Variants in CPB1 observed in about 807,000 individuals in gnomAD.
CPB1 encodes the protein carboxypeptidase B1.
CPB1 carries 53 observed loss-of-function variants against 51.4 expected under a neutral mutation model. That is an observed-to-expected ratio of 1.03 (90% CI 0.83 to 1.30). The LOEUF is 1.30. CPB1 is among the 50% of genes most tolerant of loss of function. The probability of loss-of-function intolerance (pLI) is 0.00; values close to 1 mark genes in which losing one functional copy is unlikely to be tolerated. For synonymous variants in CPB1, 189 were observed against 186.9 expected (o/e 1.01, Z -0.09); for missense variants, 494 against 516.2 (o/e 0.96, Z 0.42).
chr3:148,828,762 T>C (rs1049912653), intron 2 of CPB1, among the ~76,000 whole-genome samples: 2 of 152,156 alleles, frequency 1.3e-5, no homozygotes, highest in African/African-American at 4.8e-5. Context: ...CATAAATATA[T>C]AAACTAAAAT....
At chr3:148,835,596 C>CA (rs1243358187) in intron 3 of CPB1, among the ~76,000 whole-genome samples, 1 of 152,068 alleles carries the variant, frequency 6.6e-6, no homozygotes, top group Non-Finnish European at 1.5e-5. Context: ...AGGACACTTG[C>CA]ATAAGAGGGA....
intron 2 of CPB1, among the ~76,000 whole-genome samples, chr3:148,831,371 T>A (rs1281793809): frequency 6.6e-6 from 1 of 152,190 alleles, no homozygotes; most frequent in African/African-American, 2.4e-5. Flanking sequence ...AGAAGTTGTT[T>A]TCTTTTCCAA....
chr3:148,859,590 A>C (rs1713690232), intron 10 of CPB1, among the ~76,000 whole-genome samples: 1 of 152,252 alleles, frequency 6.6e-6, no homozygotes, highest in African/African-American at 2.4e-5. Context: ...TTTCTGAAGT[A>C]TTAAACACAT....
rs577217367 is a variant in CPB1 at position 148,835,010 on chromosome 3, G to A, written c.272+388G>A. On this transcript the variant is annotated intron_variant, in intron 3 of 10. Coordinates refer to ENST00000282957, the MANE Select transcript of CPB1 (RefSeq NM_001871.3). ...ATCAGCGAGACCTATTGTGAGTTAT[G>A]AGGGCTATTTGTGCTTTTTTTAGCA... Among the ~76,000 whole-genome samples the A allele has an allele frequency of 2.6e-4, 40 of 152,256 alleles. No homozygotes were observed. In the South Asian group the frequency reaches 8.1e-3, roughly 31 times the overall value.
chr3:148,830,220 A>C (rs1302283267), intron 2 of CPB1, among the ~76,000 whole-genome samples: 1 of 151,964 alleles, frequency 6.6e-6, no homozygotes, highest in Non-Finnish European at 1.5e-5. Context: ...AAAATCTAAA[A>C]CTTGCCCCCT....
intron 9 of CPB1, chr3:148,856,074 C>T (rs1713561258): frequency 6.6e-6 from 1 of 152,060 alleles, no homozygotes; most frequent in Non-Finnish European, 1.5e-5. Flanking sequence ...TAAGATTAAA[C>T]AAGAGGAGCA....
At chr3:148,843,461 G>A (rs916689724) in intron 6 of CPB1, among the ~76,000 whole-genome samples, 1 of 151,960 alleles carries the variant, frequency 6.6e-6, no homozygotes, top group Non-Finnish European at 1.5e-5. Context: ...TTATGTATCA[G>A]ATTGGCATCA....
chr3:148,846,689 A>G (rs1179797875), intron 9 of CPB1, among the ~76,000 whole-genome samples: 1 of 147,634 alleles, frequency 6.8e-6, no homozygotes, highest in Non-Finnish European at 1.5e-5. Context: ...TTAAAAAACA[A>G]TACAATTTTT....
chr3:148,829,594 T>C (rs1559955392), intron 2 of CPB1, among the ~76,000 whole-genome samples: 1 of 152,234 alleles, frequency 6.6e-6, no homozygotes, highest in Non-Finnish European at 1.5e-5. Context: ...TGACAGCCTG[T>C]TTTCAGCATG....
At chr3:148,858,572 CA>C (rs1004149829) in intron 10 of CPB1, among the ~76,000 whole-genome samples, 44 of 140,252 alleles carry the variant, frequency 3.1e-4, no homozygotes, top group Admixed American at 4.3e-4. Flanking sequence ...AACTCCATCT[CA>C]AAAAAAAAAA....
At position 148,859,927 on chromosome 3, in the gene CPB1, G is replaced by C; in HGVS notation, c.1179G>C (p.Gln393His). 6.2e-7 allele frequency: 1 copy of C among 1,614,144 alleles called. No individual in the cohort carries two copies. The highest frequency in any genetic ancestry group is 8.5e-7 in the Non-Finnish European group (1 of 1,180,010). Residue 393 changes from glutamine (Q) to histidine (H), a missense_variant, in exon 11 of 11, where the codon CAG becomes CAC. Transcript: ENST00000282957. ...GRYGFLLPESQIRATCEETFL... is the reference protein window; with the variant it reads ...GRYGFLLPESHIRATCEETFL... ...ATGGCTTTCTCCTTCCAGAATCCCA[G>C]ATCCGGGCTACCTGCGAGGAGACCT... is the stretch of plus-strand genomic sequence containing the variant.
chr3:148,827,829 G>A lies in CPB1; in HGVS notation c.6G>A (p.Leu2=), dbSNP rs371908742. 5.6e-6 allele frequency: 9 copies of A among 1,614,104 alleles called. No individual in the cohort carries two copies. Among genetic ancestry groups the A allele is most frequent in the Non-Finnish European group, 7.6e-6 (9 of 1,179,980 alleles). M[L]ALLVLVTVAL... ...ACTAGACCTGGTCAGACACAATGTT[G>A]GCACTCTTGGTTCTGGTGACTGTGG... Residue 2 remains leucine, a synonymous_variant, in exon 1 of 11, where the codon TTG becomes TTA. Coordinates refer to ENST00000282957, the MANE Select transcript of CPB1 (RefSeq NM_001871.3).
intron 3 of CPB1, among the ~76,000 whole-genome samples, chr3:148,837,819 C>T (rs1463855376): frequency 6.6e-6 from 1 of 152,030 alleles, no homozygotes; most frequent in African/African-American, 2.4e-5. Flanking sequence ...TTCAATTTAA[C>T]TAACTGGTTT....
At chr3:148,844,941 G>C (rs1713189475) in intron 8 of CPB1, among the ~76,000 whole-genome samples, 174 bp downstream of exon 8, 1 of 149,910 alleles carries the variant, frequency 6.7e-6, no homozygotes, top group Non-Finnish European at 1.5e-5. Flanking sequence ...AAAACATATT[G>C]AGAACTCTGT....
At chr3:148,846,708 T>A (rs1713249748) in intron 9 of CPB1, among the ~76,000 whole-genome samples, 1 of 143,684 alleles carries the variant, frequency 7.0e-6, no homozygotes, top group Non-Finnish European at 1.5e-5. Flanking sequence ...TTCAAAAAGC[T>A]TTTCATTTTT....
chr3:148,834,401 T>G (rs113692692), intron 2 of CPB1, 97 bp from the exon 3 acceptor site: 2 of 1,193,424 alleles, frequency 1.7e-6, no homozygotes, highest in Admixed American at 2.0e-5. Flanking sequence ...TGATTTGATT[T>G]TGAAAATAAC....
At chr3:148,844,403 C>A in intron 6 of CPB1, 75 bp from the exon 7 acceptor site, 2 of 1,067,512 alleles carry the variant, frequency 1.9e-6, no homozygotes, top group Non-Finnish European at 2.8e-6. Context: ...AGTTAACATT[C>A]AACAGTCTTT....
intron 2 of CPB1, among the ~76,000 whole-genome samples, chr3:148,831,173 C>T (rs1712722990): frequency 6.6e-6 from 1 of 152,120 alleles, no homozygotes; most frequent in South Asian, 2.1e-4. Context: ...TGTGCTTGTT[C>T]CTTTATTGAA....
At chr3:148,844,880 T>A (rs1220175933) in intron 8 of CPB1, 113 bp downstream of exon 8, 19 of 927,874 alleles carry the variant, frequency 2.0e-5, no homozygotes, top group Non-Finnish European at 3.1e-5. Flanking sequence ...TTTAAAGTTC[T>A]AACCTTCTAA....
Sources: allele counts gnomAD v4.1 joint callset (sites outside exome capture counted in the v4.1 genomes callset), GRCh38; gene constraint gnomAD v4.1.1; transcripts MANE v1.5; gene names NCBI Gene and HGNC (gene_info 2026-07-23, HGNC 2026-07-21).